Variants in OSBPL8 observed in about 807,000 individuals in gnomAD.
The protein encoded by OSBPL8 is oxysterol binding protein like 8.
OSBPL8 carries 59 observed loss-of-function variants against 125.5 expected under a neutral mutation model. The ratio of observed to expected loss-of-function variants is 0.47; its 90% CI spans 0.38 to 0.58. The LOEUF is 0.58. OSBPL8 is among the 20% of genes least tolerant of loss of function. OSBPL8 has a pLI of 0.00. For synonymous variants in OSBPL8, 330 were observed against 338.9 expected (o/e 0.97, Z 0.29); for missense variants, 758 against 1,047.8 (o/e 0.72, Z 3.82).
At chr12:76,514,901 A>G (rs1003441874) in intron 1 of OSBPL8, among the ~76,000 whole-genome samples, 2 of 152,220 alleles carry the variant, frequency 1.3e-5, no homozygotes, top group African/African-American at 4.8e-5. Flanking sequence ...GCCAGTCTTC[A>G]AGATCTGAGA....
chr12:76,492,955 T>C (rs1476935003), intron 1 of OSBPL8, among the ~76,000 whole-genome samples: 3 of 151,990 alleles, frequency 2.0e-5, no homozygotes, highest in Admixed American at 2.0e-4. Context: ...TTGCTTTCAT[T>C]GTGTGCACGT....
At chr12:76,519,437 C>T (rs1365536778) in intron 1 of OSBPL8, among the ~76,000 whole-genome samples, 3 of 152,154 alleles carry the variant, frequency 2.0e-5, no homozygotes, top group South Asian at 2.1e-4. Flanking sequence ...AACTTTCCCC[C>T]GTCTTCCTGT....
rs1366794081 is a variant in OSBPL8, at chr12:76,369,719, G to A, written c.2158C>T (p.Arg720Trp). ...EEAQRQAARD[R>W]KTKNEEWSCK... ...GACCACTCTTCATTTTTTGTTTTCC[G>A]ATCCCTGGCAGCTTGTCTTTGAGCT... Residue 720 changes from arginine (R) to tryptophan (W), a missense_variant, in exon 20 of 24, where the codon CGG becomes TGG. Transcript: ENST00000261183. 1.4e-5 allele frequency: 22 copies of A among 1,613,486 alleles called. No individual in the cohort carries two copies. Among genetic ancestry groups the A allele is most frequent in the South Asian group, 2.2e-5 (2 of 91,058 alleles).
At position 76,508,375 on chromosome 12, in the gene OSBPL8, T is replaced by C. The variant is rs180807859; in HGVS notation, c.-67-20757A>G. The stretch of plus-strand genomic sequence containing the variant: ...TACAGTCAAGAACAGACTGCATGTA[T>C]GGCAGTGGTCTCATTAAGATTTACT... On this transcript the variant is annotated intron_variant, in intron 1 of 23. Coordinates refer to ENST00000261183, the MANE Select transcript of OSBPL8 (RefSeq NM_020841.5). Among the ~76,000 whole-genome samples, 303 of 152,348 alleles carry C rather than the reference T, an allele frequency of 2.0e-3. 2 individuals are homozygous for C. The highest frequency in any genetic ancestry group is 6.9e-3 in the African/African-American group (288 of 41,582).
At chr12:76,366,072 T>G (rs1952402959) in intron 21 of OSBPL8, among the ~76,000 whole-genome samples, 1 of 152,248 alleles carries the variant, frequency 6.6e-6, no homozygotes, top group South Asian at 2.1e-4. Context: ...TTTATCTGGC[T>G]TTGGCATTAG....
At chr12:76,543,591 T>A (rs1307750221) in intron 1 of OSBPL8, among the ~76,000 whole-genome samples, 2 of 152,090 alleles carry the variant, frequency 1.3e-5, no homozygotes, top group African/African-American at 4.8e-5. Flanking sequence ...AGCACTGATA[T>A]CCAAAAGCCA....
At chr12:76,404,588 C>G (rs938242059) in intron 5 of OSBPL8, among the ~76,000 whole-genome samples, 1 of 152,094 alleles carries the variant, frequency 6.6e-6, no homozygotes, top group Non-Finnish European at 1.5e-5. Context: ...AACTCTTCCT[C>G]GTCAGCCTAC....
chr12:76,474,862 C>T (rs1186021344), intron 2 of OSBPL8, among the ~76,000 whole-genome samples: 2 of 152,198 alleles, frequency 1.3e-5, no homozygotes, highest in Non-Finnish European at 1.5e-5. Flanking sequence ...AATCCCCAAG[C>T]TTGCTCTTGC....
chr12:76,450,068 T>C (rs1873199595), intron 4 of OSBPL8, among the ~76,000 whole-genome samples: 1 of 152,194 alleles, frequency 6.6e-6, no homozygotes, highest in Non-Finnish European at 1.5e-5. Flanking sequence ...TGCAGGTGTC[T>C]TTTAAGCTAG....
chr12:76,490,148 T>C (rs977270545), intron 1 of OSBPL8, among the ~76,000 whole-genome samples: 3 of 152,158 alleles, frequency 2.0e-5, no homozygotes, highest in Non-Finnish European at 2.9e-5. Context: ...ACAAAGAAAG[T>C]GGTTTCTGAA....
rs1471689098 is a variant in OSBPL8, at chr12:76,373,368, G to A, written c.1893C>T (p.Val631=). 1 of 1,606,512 alleles carries A rather than the reference G, an allele frequency of 6.2e-7. No individual in the cohort carries two copies. The highest frequency in any genetic ancestry group is 1.3e-5 in the African/African-American group (1 of 74,546). The stretch of plus-strand genomic sequence containing the variant: ...CCCAATGACCTTCCAAAGTAGCTAG[G>A]ACTTCTTTTCCCAGTTTAAGTTTCC... ...ISGKLKLGKE[V]LATLEGHWDS... is the part of the protein sequence containing the mutation. Residue 631 remains valine, a synonymous_variant, in exon 18 of 24, where the codon GTC becomes GTT. Coordinates refer to ENST00000261183, the MANE Select transcript of OSBPL8 (RefSeq NM_020841.5).
chr12:76,388,390 T>C (rs1953410556), intron 12 of OSBPL8, among the ~76,000 whole-genome samples: 1 of 152,170 alleles, frequency 6.6e-6, no homozygotes, highest in Non-Finnish European at 1.5e-5. Flanking sequence ...TAGTCCCTGA[T>C]TGCCAACAGA....
intron 4 of OSBPL8, among the ~76,000 whole-genome samples, chr12:76,443,077 G>A (rs893903831): frequency 6.6e-6 from 1 of 152,166 alleles, no homozygotes. Context: ...ATTTTAATTT[G>A]AGCCTAGCTA....
intron 1 of OSBPL8, among the ~76,000 whole-genome samples, chr12:76,530,016 A>G (rs1460277260): frequency 6.6e-6 from 1 of 152,114 alleles, no homozygotes; most frequent in Non-Finnish European, 1.5e-5. Context: ...CCTCTATGAT[A>G]TGATATTCCT....
At chr12:76,488,226 C>T (rs1269311051) in intron 1 of OSBPL8, among the ~76,000 whole-genome samples, 2 of 152,088 alleles carry the variant, frequency 1.3e-5, no homozygotes, top group Non-Finnish European at 2.9e-5. Context: ...AATAGAATAT[C>T]ATGCAGCAAT....
chr12:76,515,578 G>A (rs1199566356), intron 1 of OSBPL8, among the ~76,000 whole-genome samples: 1 of 152,166 alleles, frequency 6.6e-6, no homozygotes, highest in Non-Finnish European at 1.5e-5. Flanking sequence ...TATAGGTATA[G>A]ATTCCTCTTC....
At chr12:76,422,827 A>G in intron 4 of OSBPL8, 1 of 246,134 alleles carries the variant, frequency 4.1e-6, no homozygotes, top group African/African-American at 2.2e-5. Context: ...AGCAATAAAC[A>G]GATAGAGAAA....
rs112733952 is a variant in OSBPL8 at position 76,386,157 on chromosome 12, A to G, written c.1533+11T>C. 6.2e-7 allele frequency: 1 copy of G among 1,601,000 alleles called. No homozygotes were observed. Among genetic ancestry groups the G allele is most frequent in the African/African-American group, 1.4e-5 (1 of 74,038 alleles). On this transcript the variant is annotated intron_variant, in intron 14 of 23. Transcript: ENST00000261183. The stretch of plus-strand genomic sequence containing the variant: ...AGATCAGTTTTGTTTCCATACATGC[A>G]TTTCTAATACCTGTTCAGCAATATA...
At chr12:76,434,116 A>G (rs575442043) in intron 4 of OSBPL8, among the ~76,000 whole-genome samples, 3 of 152,264 alleles carry the variant, frequency 2.0e-5, no homozygotes, top group African/African-American at 7.2e-5. Context: ...ATTACAAAAC[A>G]ACAGTAATCA....
Sources: gnomAD v4.1 joint callset for allele counts (sites outside exome capture counted in the v4.1 genomes callset) on GRCh38, gnomAD v4.1.1 for gene constraint, MANE v1.5 for transcripts, NCBI Gene and HGNC (gene_info 2026-07-23, HGNC 2026-07-21) for gene names.